CTIF: variants seen among roughly 807,000 people sequenced by gnomAD.
The protein encoded by CTIF is CBP80/20-dependent translation initiation factor.
CTIF carries 21 observed loss-of-function variants against 66.0 expected under a neutral mutation model. That is an observed-to-expected ratio of 0.32 (90% CI 0.23 to 0.46). The LOEUF (loss-of-function observed/expected upper bound fraction) is 0.46. Among genes scored for constraint, CTIF ranks in the 20% least tolerant of loss-of-function variants. CTIF has a pLI of 1.00. For missense variants in CTIF, 739 were observed against 812.7 expected, an observed-to-expected ratio of 0.91 and a Z score of 1.10; for synonymous variants, 345 against 326.4, an observed-to-expected ratio of 1.06 and a Z score of -0.62.
chr18:48,752,105 A>G (rs560651951), intron 7 of CTIF, among the ~76,000 whole-genome samples: 2 of 152,356 alleles, frequency 1.3e-5, no homozygotes, highest in East Asian at 1.9e-4. Context: ...TAGTCCATGC[A>G]GTGAGCTACC....
chr18:48,695,778 G>A (rs761670616), intron 6 of CTIF, among the ~76,000 whole-genome samples: 3 of 152,196 alleles, frequency 2.0e-5, no homozygotes, highest in South Asian at 2.1e-4. Context: ...CTTCTATGGC[G>A]AGGAGACTTT....
intron 4 of CTIF, 58 bp from the exon 5 acceptor site, chr18:48,664,389 G>C (rs555463939): frequency 6.8e-7 from 1 of 1,463,750 alleles, no homozygotes; most frequent in Admixed American, 1.7e-5. Context: ...CCCTGGTTCC[G>C]TCAGTAACTG....
At chr18:48,654,322 C>CA (rs1406252676) in intron 3 of CTIF, among the ~76,000 whole-genome samples, 10 of 152,272 alleles carry the variant, frequency 6.6e-5, no homozygotes, top group African/African-American at 2.2e-4. Context: ...AGGATATGAA[C>CA]AGACGCTTCT....
intron 1 of CTIF, among the ~76,000 whole-genome samples, chr18:48,595,992 T>A (rs2089981181): frequency 6.6e-6 from 1 of 152,134 alleles, no homozygotes; most frequent in African/African-American, 2.4e-5. Flanking sequence ...AAGGTGGCAG[T>A]CATGGTCTTT....
intron 6 of CTIF, among the ~76,000 whole-genome samples, chr18:48,698,104 TAAAAAAAAAAAAAAAAAAAAA>T (rs527429582): frequency 3.6e-3 from 47 of 13,070 alleles, no homozygotes; most frequent in Non-Finnish European, 7.1e-3. Flanking sequence ...TAGCCATCAT[TAAAAAAAAAAAAAAAAAAAAA>T]AAAAAAAAAA....
chr18:48,817,237 G>T lies in CTIF; in HGVS notation c.1388G>T (p.Arg463Leu), dbSNP rs1464961999. ...LNMLQKDFTV[R>L]EELQQQDVER... ...CCTCCACAGAAGGACTTCACGGTGC[G>T]CGAGGAGCTGCAGCAGCAGGACGTG... Residue 463 changes from arginine (R) to leucine (L), a missense_variant, in exon 10 of 12, where the codon CGC becomes CTC. By Grantham distance (102) the Arg-to-Leu change is moderately radical (BLOSUM62 -2). Transcript: ENST00000256413. 6.8e-6 allele frequency: 11 copies of T among 1,613,848 alleles called. No homozygotes were observed. Among genetic ancestry groups the T allele is most frequent in the Non-Finnish European group, 9.3e-6 (11 of 1,179,950 alleles).
chr18:48,575,797 G>A (rs1014175556), intron 1 of CTIF, among the ~76,000 whole-genome samples: 3 of 152,262 alleles, frequency 2.0e-5, no homozygotes, highest in African/African-American at 4.8e-5. Flanking sequence ...CCAAGCCCTA[G>A]TTATCCACAG....
intron 1 of CTIF, among the ~76,000 whole-genome samples, chr18:48,614,274 G>T (rs1371189338): frequency 1.3e-5 from 2 of 152,094 alleles, no homozygotes; most frequent in Non-Finnish European, 2.9e-5. Context: ...CCCTTGCCCT[G>T]TGTCTCCACC....
intron 1 of CTIF, among the ~76,000 whole-genome samples, chr18:48,571,464 C>G (rs536221049): frequency 3.9e-5 from 6 of 152,272 alleles, no homozygotes; most frequent in Admixed American, 1.3e-4. Context: ...CCAGGTAGCA[C>G]TTTTAAAAAT....
At chr18:48,539,503 C>T (rs1400996070) in intron 1 of CTIF, 191 bp downstream of exon 1, 3 of 152,582 alleles carry the variant, frequency 2.0e-5, no homozygotes, top group Middle Eastern at 3.4e-3. Context: ...ATCTACCATC[C>T]CCTCCTCCCC....
chr18:48,742,839 G>T (rs1230109179), intron 7 of CTIF, among the ~76,000 whole-genome samples: 3 of 152,144 alleles, frequency 2.0e-5, no homozygotes, highest in African/African-American at 7.2e-5. Context: ...TCTTTAAACA[G>T]TGCAGTGTGA....
intron 7 of CTIF, among the ~76,000 whole-genome samples, chr18:48,738,377 G>A (rs2092522801): frequency 6.6e-6 from 1 of 152,088 alleles, no homozygotes; most frequent in African/African-American, 2.4e-5. Context: ...TCCAGATAAG[G>A]GCCAAAGTCC....
intron 9 of CTIF, among the ~76,000 whole-genome samples, chr18:48,799,711 G>A (rs751598978): frequency 4.6e-5 from 7 of 152,136 alleles, no homozygotes; most frequent in Non-Finnish European, 1.0e-4. Flanking sequence ...CTCTCTCTGT[G>A]CACCCAGATT....
At chr18:48,647,759 C>A (rs1053477739) in intron 3 of CTIF, among the ~76,000 whole-genome samples, 9 of 152,198 alleles carry the variant, frequency 5.9e-5, no homozygotes, top group Non-Finnish European at 1.0e-4. Flanking sequence ...CTTTCTCCCC[C>A]ACCCGCCCAC....
At chr18:48,640,230 C>T (rs934600114) in intron 3 of CTIF, among the ~76,000 whole-genome samples, 3 of 152,232 alleles carry the variant, frequency 2.0e-5, no homozygotes, top group Non-Finnish European at 4.4e-5. Flanking sequence ...GCTGCACTCA[C>T]GCGCCCAGGC....
At chr18:48,739,243 T>A (rs1278715721) in intron 7 of CTIF, among the ~76,000 whole-genome samples, 1 of 152,160 alleles carries the variant, frequency 6.6e-6, no homozygotes, top group African/African-American at 2.4e-5. Flanking sequence ...CAGAGGGAGT[T>A]GTGGGGCAGA....
At chr18:48,755,601 A>AG (rs1568190862) in intron 7 of CTIF, 1 of 152,210 alleles carries the variant, frequency 6.6e-6, no homozygotes, top group Non-Finnish European at 1.5e-5. Flanking sequence ...GCCAGTGAGG[A>AG]GGGGGGTGTG....
chr18:48,647,465 C>T (rs1598799651), intron 3 of CTIF, among the ~76,000 whole-genome samples: 2 of 152,146 alleles, frequency 1.3e-5, no homozygotes, highest in Non-Finnish European at 1.5e-5. Flanking sequence ...GATGAAGAGA[C>T]AAGTTACATT....
intron 9 of CTIF, among the ~76,000 whole-genome samples, chr18:48,802,395 G>A (rs1396889285): frequency 6.6e-6 from 1 of 152,242 alleles, no homozygotes; most frequent in South Asian, 2.1e-4. Flanking sequence ...CAACAACTCA[G>A]CCCTCTCCTC....
Sources: gnomAD v4.1 joint callset for allele counts (sites outside exome capture counted in the v4.1 genomes callset) on GRCh38, gnomAD v4.1.1 for gene constraint, MANE v1.5 for transcripts, NCBI Gene and HGNC (gene_info 2026-07-23, HGNC 2026-07-21) for gene names.